The following CDK18 variants were observed in gnomAD, a reference collection of about 807,000 sequenced individuals.
The protein encoded by CDK18 is cyclin dependent kinase 18.
In CDK18, 52 loss-of-function variants were observed where a neutral mutation model predicts 62.0. That is an observed-to-expected ratio of 0.84 (90% CI 0.67 to 1.06). CDK18 has a LOEUF of 1.06. Ranked by LOEUF, CDK18 falls within the 50% of genes least tolerant of loss-of-function variation. The pLI, the probability that CDK18 is intolerant of heterozygous loss-of-function variation, is 0.00. For synonymous variants in CDK18, 237 were observed against 247.0 expected (o/e 0.96, Z 0.38); for missense variants, 604 against 619.9 (o/e 0.97, Z 0.27).
At chr1:205,512,870 G>A (rs1667633775) in intron 1 of CDK18, among the ~76,000 whole-genome samples, 1 of 152,264 alleles carries the variant, frequency 6.6e-6, no homozygotes, top group South Asian at 2.1e-4. Flanking sequence ...GAGACTGAGA[G>A]GTCCCCAGGG....
At chr1:205,523,372 C>A (rs748194431) in intron 2 of CDK18, 75 bp downstream of exon 2, 2 of 1,599,558 alleles carry the variant, frequency 1.3e-6, no homozygotes, top group South Asian at 1.1e-5. Context: ...TCCCCGCCCA[C>A]CCCCTCCCCA....
chr1:205,519,015 C>G (rs1320736221), intron 1 of CDK18, among the ~76,000 whole-genome samples: 1 of 152,184 alleles, frequency 6.6e-6, no homozygotes, highest in Non-Finnish European at 1.5e-5. Flanking sequence ...GGGCCAGTAT[C>G]CCTGGACACT....
chr1:205,509,914 T>C (rs1390972692), intron 1 of CDK18, among the ~76,000 whole-genome samples: 2 of 152,004 alleles, frequency 1.3e-5, no homozygotes, highest in Admixed American at 1.3e-4. Context: ...ACCCCATCTC[T>C]ACTAAAAATA....
At chr1:205,526,859 C>A (rs1458236945) in intron 8 of CDK18, 22 bp downstream of exon 8, 1 of 1,602,082 alleles carries the variant, frequency 6.2e-7, no homozygotes, top group Non-Finnish European at 8.6e-7. Context: ...GGGGCAGGGT[C>A]CCCCCATCTT....
At chr1:205,515,173 A>ATTTTTTTT (rs34027094) in intron 1 of CDK18, among the ~76,000 whole-genome samples, 8 of 117,758 alleles carry the variant, frequency 6.8e-5, no homozygotes, top group South Asian at 2.9e-4. Context: ...GCTTTGAAGG[A>ATTTTTTTT]TTTTTTTTTT....
intron 11 of CDK18, 40 bp downstream of exon 11, chr1:205,529,136 G>T: frequency 6.6e-7 from 1 of 1,508,418 alleles, no homozygotes; most frequent in Non-Finnish European, 9.0e-7. Context: ...CCACCAGGGG[G>T]CGCCGGAACT....
Position 205,527,660 on chromosome 1 carries a change from G to A in CDK18, c.730-134G>A. 1 of 822,520 alleles carries A rather than the reference G, an allele frequency of 1.2e-6. No individual in the cohort carries two copies. The highest frequency in any genetic ancestry group is 2.0e-6 in the Non-Finnish European group (1 of 500,964). 51.0% of individuals were successfully genotyped at this position (822,520 alleles called of 1,614,324 possible). ...GGTGTGGGTGGGGTCCAGGATGGGG[G>A]CTGCAGGGTGTGCAGGAGAATGAGG... On this transcript the variant is annotated intron_variant, in intron 8 of 15. Coordinates refer to ENST00000429964, the MANE Select transcript of CDK18 (RefSeq NM_212502.3). This position sits in a 1 kb window ranked among gnomAD's most constrained non-coding sequence, Gnocchi z 4.1.
chr1:205,515,859 T>C (rs1667793418), intron 1 of CDK18, among the ~76,000 whole-genome samples: 1 of 152,218 alleles, frequency 6.6e-6, no homozygotes, highest in South Asian at 2.1e-4. Context: ...GCCTACTTCC[T>C]GCATTCCAAA....
In CDK18 at chr1:205,517,420, G is replaced by A. The variant is rs1667877086; in HGVS notation, c.-21-5727G>A. On this transcript the variant is annotated intron_variant, in intron 1 of 15. Coordinates refer to ENST00000429964, the MANE Select transcript of CDK18 (RefSeq NM_212502.3). The surrounding 1 kb of genome is among the most constrained non-coding windows in gnomAD (Gnocchi z 4.1). ...ACTCTTTTTGTCTGGGCAGTAGCTT[G>A]AGAGAGGAGAGCCAAGCTTTGCTGG... Among the ~76,000 whole-genome samples the A allele has an allele frequency of 6.6e-6, 1 of 152,180 alleles. No individual in the cohort carries two copies. Among genetic ancestry groups the A allele is most frequent in the African/African-American group, 2.4e-5 (1 of 41,440 alleles).
Position 205,524,358 on chromosome 1 carries a change from G to C in CDK18, c.399+1G>C. The C allele has an allele frequency of 6.2e-7, 1 of 1,614,122 alleles. No homozygotes were observed. The highest frequency in any genetic ancestry group is 8.5e-7 in the Non-Finnish European group (1 of 1,180,022). ...CCGCATGTCCCGCCGGGCCTCCCTGGTGAGTCCCAAGAGGGTCAGAGGACA... is the reference window on the plus strand; with the variant it reads ...CCGCATGTCCCGCCGGGCCTCCCTGCTGAGTCCCAAGAGGGTCAGAGGACA... On this transcript the variant is annotated splice_donor_variant, in intron 4 of 15. Coordinates refer to ENST00000429964, the MANE Select transcript of CDK18 (RefSeq NM_212502.3). LOFTEE classifies it high-confidence loss of function.
chr1:205,532,525 TCTGATG>T lies in CDK18; in HGVS notation c.*1152_*1157del. The stretch of plus-strand genomic sequence containing the variant: ...AGAGGAACGTGGAACAGGAGCAGGC[TCTGATG>T]CTGAGAGGCTTGCCTCCGGGGGCTG... On this transcript the variant is annotated 3_prime_UTR_variant, in exon 16 of 16. Transcript: ENST00000429964. 1 of 152,560 alleles carries T rather than the reference TCTGATG, an allele frequency of 6.6e-6. No homozygotes were observed. The highest frequency in any genetic ancestry group is 1.9e-4 in the East Asian group (1 of 5,186). 9.5% of individuals were successfully genotyped at this position (152,560 alleles called of 1,614,324 possible).
rs200438485 is a variant in CDK18, at chr1:205,529,031, C to G, written c.1007C>G (p.Thr336Arg). The G allele has an allele frequency of 9.4e-6, 15 of 1,596,426 alleles. No homozygotes were observed. In the East Asian group the frequency reaches 1.8e-4, roughly 19 times the overall value. ...GGCTGCATCCACTACGAGATGGCCACAGGGAGGCCCCTCTTCCCGGGCTCC... is the reference window on the plus strand; with the variant it reads ...GGCTGCATCCACTACGAGATGGCCAGAGGGAGGCCCCTCTTCCCGGGCTCC... ...GVGCIHYEMATGRPLFPGSTV... is the reference protein window; with the variant it reads ...GVGCIHYEMARGRPLFPGSTV... Residue 336 changes from threonine to arginine, a missense_variant, in exon 11 of 16, where the codon ACA (threonine) becomes AGA (arginine). Physicochemically the swap from Thr to Arg is moderately conservative, Grantham distance 71 (BLOSUM62 -1). Coordinates refer to ENST00000429964, the MANE Select transcript of CDK18 (RefSeq NM_212502.3).
At position 205,532,432 on chromosome 1, in the gene CDK18, T is replaced by TC. The variant is rs1160975541; in HGVS notation, c.*1059dup. 6.6e-6 allele frequency: 1 copy of TC among 152,516 alleles called. No homozygotes were observed. The highest frequency in any genetic ancestry group is 1.5e-5 in the Non-Finnish European group (1 of 68,198). The allele number at this position is 152,516 out of a possible 1,614,324, so 9.4% of individuals were successfully genotyped here. ...TGTCCACCTGATCCCAATACCAGCTTCCCCCAGCCCCTGCCACCCCAGAGG... is the reference window on the plus strand; with the variant it reads ...TGTCCACCTGATCCCAATACCAGCTTCCCCCCAGCCCCTGCCACCCCAGAGG... On this transcript the variant is annotated 3_prime_UTR_variant, in exon 16 of 16. Coordinates refer to ENST00000429964, the MANE Select transcript of CDK18 (RefSeq NM_212502.3).
At chr1:205,510,990 G>A (rs1183846754) in intron 1 of CDK18, among the ~76,000 whole-genome samples, 1 of 152,214 alleles carries the variant, frequency 6.6e-6, no homozygotes, top group East Asian at 1.9e-4. Context: ...GGAAATCCTG[G>A]AATGCCTCAG....
intron 1 of CDK18, among the ~76,000 whole-genome samples, chr1:205,515,332 A>G (rs1378869253): frequency 6.6e-6 from 1 of 152,030 alleles, no homozygotes; most frequent in Non-Finnish European, 1.5e-5. Flanking sequence ...GTGTGCCACC[A>G]TGCCCAGCTG....
Position 205,529,108 on chromosome 1 carries a change from G to A in CDK18, c.1072+12G>A, listed in dbSNP as rs1392615836. 1.9e-6 allele frequency: 3 copies of A among 1,561,410 alleles called. No individual in the cohort carries two copies. The South Asian group carries it at 3.5e-5, about 18-fold the overall frequency. The stretch of plus-strand genomic sequence containing the variant: ...CTTTCGCCTCCTCGGTCAGTCTCCC[G>A]CTGCTCCGTCCCTCTCACCACCAGG... On this transcript the variant is annotated intron_variant, in intron 11 of 15. Coordinates refer to ENST00000429964, the MANE Select transcript of CDK18 (RefSeq NM_212502.3).
At chr1:205,523,105 C>T in intron 1 of CDK18, 42 bp from the exon 2 acceptor site, 2 of 1,553,644 alleles carry the variant, frequency 1.3e-6, no homozygotes. Flanking sequence ...GGACTGGTTG[C>T]CTTGTTCTTT....
intron 1 of CDK18, among the ~76,000 whole-genome samples, chr1:205,520,371 A>G (rs1337393336): frequency 2.0e-5 from 3 of 152,162 alleles, no homozygotes; most frequent in Admixed American, 6.5e-5. Context: ...ATTTTTTTAC[A>G]ATGCTCCCTG....
chr1:205,512,038 C>T (rs1442819147), intron 1 of CDK18, among the ~76,000 whole-genome samples: 5 of 152,084 alleles, frequency 3.3e-5, no homozygotes, highest in East Asian at 1.9e-4. Flanking sequence ...TGGGTGACTC[C>T]GTCTCCAAAA....
Sources: allele counts gnomAD v4.1 joint callset (sites outside exome capture counted in the v4.1 genomes callset), GRCh38; gene constraint gnomAD v4.1.1; non-coding constraint Gnocchi (gnomAD v3.1); transcripts MANE v1.5; gene names NCBI Gene and HGNC (gene_info 2026-07-23, HGNC 2026-07-21).